Variants in GTF2E2 observed in about 807,000 individuals in gnomAD.
GTF2E2 encodes general transcription factor IIE subunit 2, also known as transcription initiation factor IIE subunit beta.
A neutral mutation model predicts 40.5 loss-of-function variants in GTF2E2; 21 were observed. The ratio of observed to expected loss-of-function variants is 0.52; its 90% CI spans 0.37 to 0.75. The LOEUF (loss-of-function observed/expected upper bound fraction) is 0.75. Ranked by LOEUF, GTF2E2 falls within the 30% of genes least tolerant of loss-of-function variation. The pLI is 0.00. For missense variants in GTF2E2, 298 were observed against 338.4 expected (o/e 0.88, Z 0.94); for synonymous variants, 117 against 121.6 (o/e 0.96, Z 0.25).
At chr8:30,645,346 G>C in intron 2 of GTF2E2, 1 of 1,535,654 alleles carries the variant, frequency 6.5e-7, no homozygotes, top group Non-Finnish European at 8.7e-7. Flanking sequence ...CACTACCTCT[G>C]TTTATCAGTA....
intron 6 of GTF2E2, among the ~76,000 whole-genome samples, chr8:30,599,859 T>A (rs1829124952): frequency 6.6e-6 from 1 of 152,076 alleles, no homozygotes; most frequent in African/African-American, 2.4e-5. Context: ...GGCACCCACC[T>A]GCAGTCCCAG....
intron 6 of GTF2E2, chr8:30,597,032 T>C (rs1829028485): frequency 6.6e-6 from 1 of 152,374 alleles, no homozygotes; most frequent in Admixed American, 6.5e-5. Flanking sequence ...CGATCTCCAG[T>C]GTCACCTGTC....
chr8:30,606,740 T>C (rs1304580105), intron 6 of GTF2E2, among the ~76,000 whole-genome samples: 1 of 152,188 alleles, frequency 6.6e-6, no homozygotes, highest in African/African-American at 2.4e-5. Flanking sequence ...AGCTTTTGTA[T>C]CAGGATATGA....
chr8:30,645,825 C>CCTG, intron 2 of GTF2E2: 3 of 439,638 alleles, frequency 6.8e-6, no homozygotes, highest in South Asian at 4.7e-5. Flanking sequence ...CTGTTTAATA[C>CCTG]TGACACTTCA....
intron 3 of GTF2E2, among the ~76,000 whole-genome samples, chr8:30,616,617 C>T (rs895480394): frequency 2.0e-5 from 3 of 151,952 alleles, no homozygotes; most frequent in African/African-American, 7.3e-5. Flanking sequence ...AGAAAGAACA[C>T]CACTAAGGGT....
chr8:30,588,200 T>C (rs565471666), intron 6 of GTF2E2, among the ~76,000 whole-genome samples: 107 of 152,274 alleles, frequency 7.0e-4, no homozygotes, highest in Non-Finnish European at 1.3e-3. Flanking sequence ...TATCATTTGA[T>C]CCAGCAATCC....
chr8:30,585,612 T>C (rs1215489661), intron 6 of GTF2E2, among the ~76,000 whole-genome samples: 2 of 152,042 alleles, frequency 1.3e-5, no homozygotes, highest in Non-Finnish European at 1.5e-5. Flanking sequence ...ATTAATAATA[T>C]GCAGAAATAT....
intron 2 of GTF2E2, chr8:30,645,528 G>GA: frequency 6.5e-7 from 1 of 1,535,658 alleles, no homozygotes; most frequent in Non-Finnish European, 8.7e-7. Flanking sequence ...TGAAAGACTT[G>GA]AAAAGTGAAC....
intron 1 of GTF2E2, among the ~76,000 whole-genome samples, chr8:30,655,977 A>G (rs1425087633): frequency 6.6e-6 from 1 of 152,010 alleles, no homozygotes. Context: ...CGCCCCGCCA[A>G]TGTCTGTATT....
At chr8:30,650,383 T>C (rs1426392319) in intron 2 of GTF2E2, among the ~76,000 whole-genome samples, 1 of 152,088 alleles carries the variant, frequency 6.6e-6, no homozygotes, top group Non-Finnish European at 1.5e-5. Flanking sequence ...CAACATCCAG[T>C]ACCCATTTAT....
chr8:30,627,381 C>G (rs1801311022), intron 3 of GTF2E2, among the ~76,000 whole-genome samples: 1 of 143,282 alleles, frequency 7.0e-6, no homozygotes, highest in African/African-American at 2.6e-5. Context: ...CTTAGAGAAA[C>G]TGTGTTGGCA....
At chr8:30,645,121 G>A (rs149819613) in intron 2 of GTF2E2, among the ~76,000 whole-genome samples, 46 of 152,254 alleles carry the variant, frequency 3.0e-4, no homozygotes, top group African/African-American at 1.1e-3. Flanking sequence ...GACTAAGGAC[G>A]TTGGCCCAGA....
intron 6 of GTF2E2, among the ~76,000 whole-genome samples, chr8:30,582,473 C>A (rs117583168): frequency 0.014 from 2,063 of 152,304 alleles, 13 homozygotes; most frequent in Middle Eastern, 0.02. Context: ...ATTATTGAAA[C>A]TAACATGGAC....
intron 6 of GTF2E2, among the ~76,000 whole-genome samples, chr8:30,596,038 A>G (rs1828995819): frequency 6.6e-6 from 1 of 152,130 alleles, no homozygotes; most frequent in Admixed American, 6.5e-5. Flanking sequence ...CTCTGGAATT[A>G]GTCTCTTTCC....
At chr8:30,619,028 C>T (rs1378578295) in intron 3 of GTF2E2, among the ~76,000 whole-genome samples, 3 of 152,190 alleles carry the variant, frequency 2.0e-5, no homozygotes, top group East Asian at 1.9e-4. Context: ...CTGCAACCTC[C>T]ACCTCCCGGG....
intron 3 of GTF2E2, among the ~76,000 whole-genome samples, chr8:30,621,978 A>AT (rs921765290): frequency 1.0e-3 from 112 of 107,748 alleles, no homozygotes; most frequent in Middle Eastern, 4.9e-3. Flanking sequence ...ATATATATAT[A>AT]TTTTTTTATT....
At chr8:30,579,914 G>A (rs145937510) in intron 7 of GTF2E2, among the ~76,000 whole-genome samples, 55 of 152,350 alleles carry the variant, frequency 3.6e-4, no homozygotes, top group African/African-American at 1.3e-3. Context: ...CGGAGCAGGG[G>A]AGGGCCCCGT....
At chr8:30,595,688 T>C (rs999982123) in intron 6 of GTF2E2, among the ~76,000 whole-genome samples, 4 of 152,132 alleles carry the variant, frequency 2.6e-5, no homozygotes, top group Admixed American at 2.6e-4. Flanking sequence ...AAAAATTAGC[T>C]AGATGTAGTG....
At chr8:30,634,806 C>T (rs1801536100) in intron 3 of GTF2E2, among the ~76,000 whole-genome samples, 1 of 152,172 alleles carries the variant, frequency 6.6e-6, no homozygotes, top group African/African-American at 2.4e-5. Context: ...AAACTGTACC[C>T]TTGAGTTAAT....
Sources: allele counts gnomAD v4.1 joint callset (sites outside exome capture counted in the v4.1 genomes callset), GRCh38; gene constraint gnomAD v4.1.1; transcripts MANE v1.5; gene names NCBI Gene and HGNC (gene_info 2026-07-23, HGNC 2026-07-21).